Variants in AKAP6 observed in about 807,000 individuals in gnomAD.
AKAP6 encodes the protein A-kinase anchor protein 6.
In AKAP6, 58 loss-of-function variants were observed where a neutral mutation model predicts 188.5. That is an observed-to-expected ratio of 0.31 (90% CI 0.25 to 0.38). The LOEUF (loss-of-function observed/expected upper bound fraction) is 0.38. AKAP6 is among the 10% of genes least tolerant of loss of function. The probability of loss-of-function intolerance (pLI) is 1.00; values close to 1 mark genes in which losing one functional copy is unlikely to be tolerated. For synonymous variants in AKAP6, 989 were observed against 998.6 expected, an observed-to-expected ratio of 0.99 and a Z score of 0.18; for missense variants, 2,710 against 2,740.0, an observed-to-expected ratio of 0.99 and a Z score of 0.24.
intron 12 of AKAP6, among the ~76,000 whole-genome samples, chr14:32,811,627 T>G (rs2034237819): frequency 6.6e-6 from 1 of 152,168 alleles, no homozygotes; most frequent in Non-Finnish European, 1.5e-5. Flanking sequence ...TGATACTAAC[T>G]CCAGATAGAT....
intron 1 of AKAP6, among the ~76,000 whole-genome samples, chr14:32,379,243 A>G (rs979869704): frequency 2.0e-5 from 3 of 152,146 alleles, no homozygotes; most frequent in African/African-American, 4.8e-5. Flanking sequence ...TATTTTCTTC[A>G]GTATGAAATT....
At chr14:32,729,296 C>T (rs1010296350) in intron 9 of AKAP6, among the ~76,000 whole-genome samples, 7 of 151,950 alleles carry the variant, frequency 4.6e-5, no homozygotes, top group East Asian at 1.9e-4. Flanking sequence ...AGGGGGACTT[C>T]GGTGTGGCGG....
intron 3 of AKAP6, among the ~76,000 whole-genome samples, chr14:32,540,822 A>C (rs1221536706): frequency 6.6e-6 from 1 of 152,040 alleles, no homozygotes; most frequent in African/African-American, 2.4e-5. Flanking sequence ...TTGCCTCTGC[A>C]TAGTGAAATA....
At chr14:32,586,287 C>T (rs1235262716) in intron 5 of AKAP6, among the ~76,000 whole-genome samples, 1 of 152,194 alleles carries the variant, frequency 6.6e-6, no homozygotes, top group Non-Finnish European at 1.5e-5. Context: ...TCCCTCGAGG[C>T]AACCAATGTT....
intron 5 of AKAP6, among the ~76,000 whole-genome samples, chr14:32,584,830 T>G (rs1453879542): frequency 6.6e-6 from 1 of 152,216 alleles, no homozygotes; most frequent in East Asian, 1.9e-4. Context: ...ATTAATTCTC[T>G]TGTATTGCTG....
At chr14:32,619,267 C>T (rs1886715661) in intron 7 of AKAP6, among the ~76,000 whole-genome samples, 1 of 152,012 alleles carries the variant, frequency 6.6e-6, no homozygotes, top group Non-Finnish European at 1.5e-5. Context: ...AGCCAACATC[C>T]AGGAGAGTTT....
chr14:32,489,439 G>A (rs1006329560), intron 2 of AKAP6, among the ~76,000 whole-genome samples: 9 of 152,038 alleles, frequency 5.9e-5, no homozygotes, highest in Non-Finnish European at 1.0e-4. Context: ...CGAACTCCTG[G>A]CCTCAAGCAA....
Position 32,831,760 on chromosome 14 carries a change from A to T in AKAP6, c.*1955A>T, listed in dbSNP as rs919634788. 2.6e-5 allele frequency: 4 copies of T among 152,236 alleles called. No individual in the cohort carries two copies. Among genetic ancestry groups the T allele is most frequent in the African/African-American group, 9.6e-5 (4 of 41,456 alleles). 9.4% of individuals were successfully genotyped at this position (152,236 alleles called of 1,614,324 possible). A position where few individuals can be genotyped will look rare whatever the true frequency, so the allele number is the denominator to read the frequency against. ...GGAGGAAGAAAAAGGGCTTGCAGAG[A>T]GTGGAAAGTTAGTGGAATATTCATG... On this transcript the variant is annotated 3_prime_UTR_variant, in exon 14 of 14. Coordinates refer to ENST00000280979, the MANE Select transcript of AKAP6 (RefSeq NM_004274.5).
chr14:32,825,210 C>T (rs1457569349), intron 13 of AKAP6, among the ~76,000 whole-genome samples: 1 of 152,168 alleles, frequency 6.6e-6, no homozygotes, highest in East Asian at 1.9e-4. Flanking sequence ...GAGAGCTGTC[C>T]GTTCTCTTCA....
intron 11 of AKAP6, among the ~76,000 whole-genome samples, chr14:32,758,927 G>A (rs573831629): frequency 6.6e-6 from 1 of 152,216 alleles, no homozygotes; most frequent in East Asian, 1.9e-4. Flanking sequence ...TCGTTCCCAG[G>A]GGCTTTACTT....
intron 7 of AKAP6, among the ~76,000 whole-genome samples, chr14:32,673,108 C>T (rs1168335792): frequency 6.6e-6 from 1 of 152,184 alleles, no homozygotes; most frequent in Non-Finnish European, 1.5e-5. Context: ...CGCCCCTGAA[C>T]AAATGAGTTA....
chr14:32,773,164 C>A (rs2032950735), intron 11 of AKAP6, among the ~76,000 whole-genome samples: 1 of 151,330 alleles, frequency 6.6e-6, no homozygotes, highest in Non-Finnish European at 1.5e-5. Context: ...TATTGCTTAT[C>A]TTTTTTTTTC....
Position 32,735,880 on chromosome 14 carries a change from A to T in AKAP6, c.3370A>T (p.Lys1124Ter). The T allele has an allele frequency of 6.4e-7, 1 of 1,573,964 alleles. No homozygotes were observed. Among genetic ancestry groups the T allele is most frequent in the Non-Finnish European group, 8.6e-7 (1 of 1,163,676 alleles). Residue 1124 changes from lysine to a stop codon, truncating the protein, a stop_gained and splice_region_variant, in exon 11 of 14, where the codon AAG becomes TAG. Transcript: ENST00000280979. LOFTEE classifies it high-confidence loss of function. ...MNTEKQLQYFKSLCREIKQRR... is the reference protein window; with the variant it reads ...MNTEKQLQYF ...TACTGAGAAACAACTGCAATACTTT[A>T]AGGTAATAAAAAAACAATCAAAGTT...
intron 12 of AKAP6, among the ~76,000 whole-genome samples, chr14:32,817,105 G>A (rs150551792): frequency 5.9e-5 from 9 of 152,020 alleles, no homozygotes; most frequent in African/African-American, 1.4e-4. Flanking sequence ...GTAGACTGTC[G>A]AGTTCCTTTA....
chr14:32,545,449 C>T lies in AKAP6; in HGVS notation c.796C>T (p.Pro266Ser). The T allele has an allele frequency of 6.2e-7, 1 of 1,614,198 alleles. No homozygotes were observed. The change falls in exon 4 of 14, where the codon CCT becomes TCT. Residue 266 changes from proline to serine, a missense_variant. This residue lies in a region of AKAP6 where 2,473 missense variants were observed against 2,426.1 expected (regional missense o/e 1.02). Coordinates refer to ENST00000280979, the MANE Select transcript of AKAP6 (RefSeq NM_004274.5). ...CTACAGTGAGATGGAAAAGGAGTTTCCTGAGCTTATCCGAAGTGTTGGTTT... is the reference window on the plus strand; with the variant it reads ...CTACAGTGAGATGGAAAAGGAGTTTTCTGAGCTTATCCGAAGTGTTGGTTT... ...WSYSEMEKEF[P>S]ELIRSVGLLT...
intron 11 of AKAP6, among the ~76,000 whole-genome samples, chr14:32,758,815 T>C (rs1259977037): frequency 6.6e-6 from 1 of 152,212 alleles, no homozygotes; most frequent in African/African-American, 2.4e-5. Context: ...TTAATACTAC[T>C]AAGTACTATT....
intron 12 of AKAP6, among the ~76,000 whole-genome samples, chr14:32,796,995 A>G (rs113239692): frequency 0.017 from 2,515 of 152,072 alleles, 66 homozygotes; most frequent in African/African-American, 0.057. Context: ...ACTCTTCTCA[A>G]AAGACATACA....
At chr14:32,807,696 G>A (rs1240809697) in intron 12 of AKAP6, among the ~76,000 whole-genome samples, 2 of 152,102 alleles carry the variant, frequency 1.3e-5, no homozygotes, top group Non-Finnish European at 2.9e-5. Context: ...GAGTTTTAGA[G>A]TTGTGGAAAT....
intron 2 of AKAP6, among the ~76,000 whole-genome samples, chr14:32,533,890 G>T (rs1411861533): frequency 6.6e-6 from 1 of 152,144 alleles, no homozygotes; most frequent in African/African-American, 2.4e-5. Context: ...GCATTACCTT[G>T]TGGGTCACAT....
Sources: allele counts gnomAD v4.1 joint callset (sites outside exome capture counted in the v4.1 genomes callset), GRCh38; gene constraint gnomAD v4.1.1; regional missense constraint gnomAD v4.1.1; transcripts MANE v1.5; gene names NCBI Gene and HGNC (gene_info 2026-07-23, HGNC 2026-07-21).